KIAA0825: variants seen among roughly 807,000 people sequenced by gnomAD.
The protein encoded by KIAA0825 is uncharacterized protein KIAA0825.
A neutral mutation model predicts 147.6 loss-of-function variants in KIAA0825; 119 were observed. The ratio of observed to expected loss-of-function variants is 0.81; its 90% CI spans 0.69 to 0.94. The LOEUF is 0.94. Ranked by LOEUF, KIAA0825 falls within the 40% of genes least tolerant of loss-of-function variation. The probability of loss-of-function intolerance (pLI) is 0.00; values close to 1 mark genes in which losing one functional copy is unlikely to be tolerated. For synonymous variants in KIAA0825, 470 were observed against 518.1 expected (o/e 0.91, Z 1.26); for missense variants, 1,381 against 1,472.7 (o/e 0.94, Z 1.02).
intron 20 of KIAA0825, among the ~76,000 whole-genome samples, chr5:94,270,329 G>T (rs1192498297): frequency 6.6e-6 from 1 of 152,018 alleles, no homozygotes; most frequent in Non-Finnish European, 1.5e-5. Flanking sequence ...AAGTGCTAAG[G>T]ATATACATTG....
Position 94,524,173 on chromosome 5 carries a change from G to A in KIAA0825, c.132-75C>T, listed in dbSNP as rs1405510225. 1.6e-5 allele frequency: 14 copies of A among 886,404 alleles called. 1 individual carries two copies. In the Admixed American group the frequency reaches 3.8e-4, roughly 24 times the overall value. 54.9% of individuals were successfully genotyped at this position (886,404 alleles called of 1,614,324 possible). The stretch of plus-strand genomic sequence containing the variant: ...TTCATTTCATAATATCACAGGCCCT[G>A]AAATCTTCATATGTGGTACCTGGCT... On this transcript the variant is annotated intron_variant, in intron 3 of 20. Coordinates refer to ENST00000682413, the MANE Select transcript of KIAA0825 (RefSeq NM_001145678.3).
chr5:94,359,489 G>T (rs1356382536), intron 20 of KIAA0825, among the ~76,000 whole-genome samples: 1 of 152,180 alleles, frequency 6.6e-6, no homozygotes, highest in Non-Finnish European at 1.5e-5. Flanking sequence ...ATGTGCAGTG[G>T]CTCACGCCTG....
intron 20 of KIAA0825, among the ~76,000 whole-genome samples, chr5:94,287,255 C>T (rs116204942): frequency 1.1e-3 from 167 of 152,252 alleles, no homozygotes; most frequent in African/African-American, 3.9e-3. Flanking sequence ...TAGCTGATGA[C>T]TTGTAGCTAT....
chr5:94,612,378 C>G (rs1360859337), intron 1 of KIAA0825, among the ~76,000 whole-genome samples: 3 of 152,200 alleles, frequency 2.0e-5, no homozygotes, highest in Admixed American at 2.0e-4. Context: ...GGCTTTTGGA[C>G]TCTGCACTGG....
intron 5 of KIAA0825, among the ~76,000 whole-genome samples, chr5:94,518,950 G>T (rs1767680090): frequency 6.6e-6 from 1 of 151,558 alleles, no homozygotes. Flanking sequence ...CAAGTAAGCA[G>T]GATTTTTTTT....
intron 20 of KIAA0825, among the ~76,000 whole-genome samples, chr5:94,254,277 T>A (rs1776124320): frequency 6.6e-6 from 1 of 152,206 alleles, no homozygotes; most frequent in South Asian, 2.1e-4. Context: ...TACATTATTA[T>A]CAACATAGTA....
intron 20 of KIAA0825, among the ~76,000 whole-genome samples, chr5:94,221,863 A>G (rs1429583746): frequency 6.6e-6 from 1 of 152,140 alleles, no homozygotes; most frequent in Non-Finnish European, 1.5e-5. Context: ...CTCTCTCAGT[A>G]AGAATCTATG....
intron 1 of KIAA0825, among the ~76,000 whole-genome samples, chr5:94,611,543 T>C (rs1788793184): frequency 6.6e-6 from 1 of 151,922 alleles, no homozygotes; most frequent in Non-Finnish European, 1.5e-5. Context: ...AAGGATCCTA[T>C]GAAACTATAT....
chr5:94,525,094 T>C (rs1454583701), intron 3 of KIAA0825, among the ~76,000 whole-genome samples: 1 of 151,762 alleles, frequency 6.6e-6, no homozygotes, highest in Non-Finnish European at 1.5e-5. Context: ...AACAGGCAAA[T>C]TCCTTTGAAG....
chr5:94,503,361 C>T (rs1259632479), intron 5 of KIAA0825, among the ~76,000 whole-genome samples: 1 of 152,096 alleles, frequency 6.6e-6, no homozygotes, highest in Non-Finnish European at 1.5e-5. Context: ...TTCAAGCTTT[C>T]ATAAAGCTTT....
At chr5:94,440,880 T>G (rs148242950) in intron 13 of KIAA0825, among the ~76,000 whole-genome samples, 2 of 152,170 alleles carry the variant, frequency 1.3e-5, no homozygotes, top group Non-Finnish European at 2.9e-5. Context: ...AAATTTAGAT[T>G]GGCTAACAGT....
chr5:94,389,628 T>C (rs1305660020), intron 18 of KIAA0825, among the ~76,000 whole-genome samples: 4 of 152,212 alleles, frequency 2.6e-5, no homozygotes, highest in Admixed American at 6.5e-5. Flanking sequence ...ATTACATTCT[T>C]GAGAAACATT....
At chr5:94,206,481 T>C (rs1463154839) in intron 20 of KIAA0825, among the ~76,000 whole-genome samples, 4 of 152,146 alleles carry the variant, frequency 2.6e-5, no homozygotes, top group Non-Finnish European at 2.9e-5. Context: ...TAGGTCAAAG[T>C]TGATTTCTTT....
rs147980261 is a variant in KIAA0825 at position 94,562,775 on chromosome 5, G to A, written c.-2+19658C>T. On this transcript the variant is annotated intron_variant, in intron 2 of 20. Coordinates refer to ENST00000682413, the MANE Select transcript of KIAA0825 (RefSeq NM_001145678.3). ...ACCAATGACTGTAATTGAGAGGAAA[G>A]AACCTAGCATTTATTTACTAACAGA... Among the ~76,000 whole-genome samples, 17 of 152,316 alleles carry A rather than the reference G, an allele frequency of 1.1e-4. No homozygotes were observed. In the East Asian group the frequency reaches 3.3e-3, roughly 29 times the overall value.
intron 2 of KIAA0825, among the ~76,000 whole-genome samples, chr5:94,559,787 C>CTGATT (rs1777226562): frequency 3.3e-5 from 5 of 152,164 alleles, no homozygotes; most frequent in Non-Finnish European, 7.4e-5. Context: ...CCAGACAATT[C>CTGATT]CACATCACTG....
rs554561421 is a variant in KIAA0825 at position 94,378,154 on chromosome 5, A to G, written c.3710+6214T>C. Among the ~76,000 whole-genome samples the G allele has an allele frequency of 2.2e-3, 340 of 152,334 alleles. 2 individuals carry two copies. The highest frequency in any genetic ancestry group is 3.7e-3 in the Non-Finnish European group (255 of 68,020). On this transcript the variant is annotated intron_variant, in intron 20 of 20. Transcript: ENST00000682413. Reference sequence around the variant, plus strand: ...AGGGATACATGTGCAGGTTTGTCATATAGATAAATTGCGTGTCACAGGAGT... The same window carrying G: ...AGGGATACATGTGCAGGTTTGTCATGTAGATAAATTGCGTGTCACAGGAGT...
chr5:94,410,654 T>A lies in KIAA0825; in HGVS notation c.2662+6547A>T, dbSNP rs559820163. Among the ~76,000 whole-genome samples, 108 of 152,226 alleles carry A rather than the reference T, an allele frequency of 7.1e-4. 1 individual carries two copies. Among genetic ancestry groups the A allele is most frequent in the Non-Finnish European group, 4.1e-4 (28 of 68,004 alleles). The stretch of plus-strand genomic sequence containing the variant: ...TGTAAATATTTCCACTGATTTATTG[T>A]CAGAAATAATGCAAGCCAGAAGATA... On this transcript the variant is annotated intron_variant, in intron 15 of 20. Coordinates refer to ENST00000682413, the MANE Select transcript of KIAA0825 (RefSeq NM_001145678.3).
intron 20 of KIAA0825, among the ~76,000 whole-genome samples, chr5:94,253,575 T>C (rs1024878552): frequency 1.1e-4 from 16 of 152,130 alleles, no homozygotes; most frequent in Admixed American, 6.6e-4. Context: ...AAATAGGCCA[T>C]TCATTCTACT....
intron 20 of KIAA0825, among the ~76,000 whole-genome samples, chr5:94,312,164 A>C (rs1391606475): frequency 6.6e-6 from 1 of 151,702 alleles, no homozygotes; most frequent in Non-Finnish European, 1.5e-5. Flanking sequence ...TTACACAGGG[A>C]AAAGTATAAA....
Sources: allele counts gnomAD v4.1 joint callset (sites outside exome capture counted in the v4.1 genomes callset), GRCh38; gene constraint gnomAD v4.1.1; transcripts MANE v1.5; gene names NCBI Gene and HGNC (gene_info 2026-07-23, HGNC 2026-07-21).